PANK2: variants seen among roughly 807,000 people sequenced by gnomAD.
PANK2 encodes pantothenate kinase 2, also known as pantothenate kinase 2, mitochondrial.
Under a neutral mutation model 43.1 loss-of-function variants are expected in PANK2, and 36 were observed. The ratio of observed to expected loss-of-function variants is 0.84; its 90% CI spans 0.64 to 1.10. The LOEUF (loss-of-function observed/expected upper bound fraction) is 1.10, where lower values mean the gene tolerates loss of function less well. Among genes scored for constraint, PANK2 ranks in the 50% least tolerant of loss-of-function variants. The pLI, the probability that PANK2 is intolerant of heterozygous loss-of-function variation, is 0.00. For synonymous variants in PANK2, 281 were observed against 238.2 expected, an observed-to-expected ratio of 1.18 and a Z score of -1.66; for missense variants, 576 against 593.3, an observed-to-expected ratio of 0.97 and a Z score of 0.30.
intron 1 of PANK2, among the ~76,000 whole-genome samples, chr20:3,896,659 T>G (rs1020909711): frequency 2.6e-5 from 4 of 152,012 alleles, no homozygotes; most frequent in Admixed American, 6.6e-5. Context: ...ATTTAATCAA[T>G]TATACCTACT....
At chr20:3,905,761 G>T (rs2090376137) in intron 1 of PANK2, among the ~76,000 whole-genome samples, 1 of 146,122 alleles carries the variant, frequency 6.8e-6, no homozygotes, top group Non-Finnish European at 1.5e-5. Context: ...TGTCACCCAG[G>T]CTGTAGTGCA....
chr20:3,899,965 A>G lies in PANK2; in HGVS notation c.299-7961A>G, dbSNP rs141651407. Among the ~76,000 whole-genome samples the G allele has an allele frequency of 1.7e-3, 254 of 151,614 alleles. 1 individual carries two copies. The highest frequency in any genetic ancestry group is 6.8e-3 in the Middle Eastern group (2 of 292). On this transcript the variant is annotated intron_variant, in intron 1 of 6. Transcript: ENST00000610179. Reference sequence around the variant, plus strand: ...GTGATCCGCCTGCCTCGGCCTCCCAATGTGCTGGGATTACAGGCGTGAGCC... The same window carrying G: ...GTGATCCGCCTGCCTCGGCCTCCCAGTGTGCTGGGATTACAGGCGTGAGCC...
rs945296109 is a variant in PANK2, at chr20:3,894,519, T to C, written c.298+4791T>C. Reference sequence around the variant, plus strand: ...CCTCCCAAAGTGCTGGGATTACAGGTGTGAGCCACCGCACCTGGCCTGAAG... The same window carrying C: ...CCTCCCAAAGTGCTGGGATTACAGGCGTGAGCCACCGCACCTGGCCTGAAG... On this transcript the variant is annotated intron_variant, in intron 1 of 6. Coordinates refer to ENST00000610179, the MANE Select transcript of PANK2 (RefSeq NM_001386393.1). Among the ~76,000 whole-genome samples the C allele has an allele frequency of 3.9e-5, 6 of 152,094 alleles. No homozygotes were observed. The East Asian group carries it at 7.7e-4, about 19-fold the overall frequency.
At chr20:3,893,833 G>C (rs968608397) in intron 1 of PANK2, among the ~76,000 whole-genome samples, 2 of 151,860 alleles carry the variant, frequency 1.3e-5, no homozygotes, top group African/African-American at 4.8e-5. Context: ...GAATTAGGAC[G>C]GATTGACCCC....
At chr20:3,897,856 C>A (rs6052152) in intron 1 of PANK2, among the ~76,000 whole-genome samples, 3 of 151,424 alleles carry the variant, frequency 2.0e-5, no homozygotes, top group Non-Finnish European at 2.9e-5. Flanking sequence ...AATATGAAAA[C>A]TAGCTGGGCA....
At chr20:3,920,860 A>G (rs2090635505) in intron 6 of PANK2, among the ~76,000 whole-genome samples, 1 of 152,166 alleles carries the variant, frequency 6.6e-6, no homozygotes, top group Non-Finnish European at 1.5e-5. Context: ...CAAAAAACAA[A>G]ACACCAAACC....
At chr20:3,896,305 C>G (rs1001305719) in intron 1 of PANK2, among the ~76,000 whole-genome samples, 2 of 148,396 alleles carry the variant, frequency 1.3e-5, no homozygotes, top group African/African-American at 5.0e-5. Flanking sequence ...GTCTCTATCT[C>G]CTGACCTCGT....
rs1340928319 is a variant in PANK2 at position 3,924,143 on chromosome 20, T to A, written c.*849T>A. The A allele has an allele frequency of 6.6e-6, 1 of 152,424 alleles. No homozygotes were observed. 9.4% of individuals were successfully genotyped at this position (152,424 alleles called of 1,614,324 possible). On this transcript the variant is annotated 3_prime_UTR_variant, in exon 7 of 7. Transcript: ENST00000610179. ...GGGAGTGGGGGGTCCTTCAGGGCAC[T>A]GTGGCACTTGGGAGGTGAGTCTCAG...
chr20:3,911,565 CAG>C (rs1390155553), intron 3 of PANK2, among the ~76,000 whole-genome samples: 7 of 145,788 alleles, frequency 4.8e-5, no homozygotes, highest in East Asian at 4.1e-4. Flanking sequence ...GCCTGGGTGA[CAG>C]AGTGAGACTC....
In PANK2 at chr20:3,898,039, T is replaced by G. The variant is rs565360723; in HGVS notation, c.298+8311T>G. On this transcript the variant is annotated intron_variant, in intron 1 of 6. Transcript: ENST00000610179. The stretch of plus-strand genomic sequence containing the variant: ...AACCTCTTGGTTTTAATTGGTTATA[T>G]TGGATTTTGTTTTTTGGAATCTGTT... Among the ~76,000 whole-genome samples the G allele has an allele frequency of 3.3e-5, 5 of 152,230 alleles. No homozygotes were observed. The South Asian group carries it at 1.0e-3, about 32-fold the overall frequency.
chr20:3,888,918 C>A, upstream of PANK2: 1 of 575,422 alleles, frequency 1.7e-6, no homozygotes, highest in South Asian at 2.4e-5. Context: ...AGCCGCGGTT[C>A]AAGCCCTTTC....
At chr20:3,922,558 G>A (rs774429723) in intron 6 of PANK2, among the ~76,000 whole-genome samples, 6 of 152,018 alleles carry the variant, frequency 3.9e-5, no homozygotes, top group Non-Finnish European at 8.8e-5. Context: ...CCTGCTTCTG[G>A]GCCAGTGATC....
rs1403109371 is a variant in PANK2 at position 3,908,022 on chromosome 20, T to C, written c.395T>C (p.Val132Ala). 1 of 1,614,140 alleles carries C rather than the reference T, an allele frequency of 6.2e-7. No individual in the cohort carries two copies. ...ACTGCTGAAGAAGAAGAGGAAGAAG[T>C]GGAAAGTCTTAAAAGCATTCGGAAG... The change falls in exon 2 of 7, where the codon GTG becomes GCG. Residue 132 changes from valine (V) to alanine (A), a missense_variant. By Grantham distance (64) the Val-to-Ala change is moderately conservative (BLOSUM62 0). Transcript: ENST00000610179.
At chr20:3,889,265 C>G, upstream of PANK2, 1 of 1,611,966 alleles carries the variant, frequency 6.2e-7, no homozygotes, top group Non-Finnish European at 8.5e-7. Context: ...GAGGCACGGT[C>G]AATCCTCCTC....
Position 3,905,202 on chromosome 20 carries a change from G to A in PANK2, c.299-2724G>A, listed in dbSNP as rs564608543. Reference sequence around the variant, plus strand: ...ACCAGACCTGCTTTTGTTTCCCCATGGTAGCCGCCCTGAACCTACGGCTTG... The same window carrying A: ...ACCAGACCTGCTTTTGTTTCCCCATAGTAGCCGCCCTGAACCTACGGCTTG... On this transcript the variant is annotated intron_variant, in intron 1 of 6. Transcript: ENST00000610179. Among the ~76,000 whole-genome samples, 35 of 152,152 alleles carry A rather than the reference G, an allele frequency of 2.3e-4. No homozygotes were observed. The South Asian group carries it at 7.0e-3, about 31-fold the overall frequency.
chr20:3,905,219 T>G (rs2090365440), intron 1 of PANK2, among the ~76,000 whole-genome samples: 1 of 152,150 alleles, frequency 6.6e-6, no homozygotes, highest in South Asian at 2.1e-4. Flanking sequence ...GCCCTGAACC[T>G]ACGGCTTGGA....
At chr20:3,892,216 T>A (rs567539362) in intron 1 of PANK2, among the ~76,000 whole-genome samples, 15 of 152,184 alleles carry the variant, frequency 9.9e-5, no homozygotes, top group African/African-American at 3.6e-4. Context: ...TGGTGGTGCA[T>A]GCCTGTAATC....
intron 1 of PANK2, among the ~76,000 whole-genome samples, chr20:3,893,252 C>G (rs1294830686): frequency 6.6e-6 from 1 of 152,058 alleles, no homozygotes; most frequent in African/African-American, 2.4e-5. Context: ...GACTTCAGAT[C>G]CAGTGTTCTT....
chr20:3,908,013 A>G lies in PANK2; in HGVS notation c.386A>G (p.Glu129Gly). 6.2e-7 allele frequency: 1 copy of G among 1,614,168 alleles called. No homozygotes were observed. Among genetic ancestry groups the G allele is most frequent in the Non-Finnish European group, 8.5e-7 (1 of 1,179,996 alleles). Residue 129 changes from glutamate (E) to glycine (G), a missense_variant, in exon 2 of 7, where the codon GAG becomes GGG. Coordinates refer to ENST00000610179, the MANE Select transcript of PANK2 (RefSeq NM_001386393.1). ...AAAGACATCACTGCTGAAGAAGAAG[A>G]GGAAGAAGTGGAAAGTCTTAAAAGC...
Sources: allele counts gnomAD v4.1 joint callset (sites outside exome capture counted in the v4.1 genomes callset), GRCh38; gene constraint gnomAD v4.1.1; transcripts MANE v1.5; gene names NCBI Gene and HGNC (gene_info 2026-07-23, HGNC 2026-07-21).